Variants in KALRN observed in about 807,000 individuals in gnomAD.
KALRN encodes kalirin RhoGEF kinase, also known as kalirin.
Under a neutral mutation model 353.7 loss-of-function variants are expected in KALRN, and 70 were observed. The observed-to-expected ratio is 0.20, with a 90% confidence interval of 0.16 to 0.24. The LOEUF (loss-of-function observed/expected upper bound fraction) is 0.24. Ranked by LOEUF, KALRN falls within the 10% of genes least tolerant of loss-of-function variation. The pLI is 1.00. For synonymous variants in KALRN, 1,391 were observed against 1,434.8 expected (o/e 0.97, Z 0.69); for missense variants, 2,791 against 3,756.7 (o/e 0.74, Z 6.72).
intron 32 of KALRN, among the ~76,000 whole-genome samples, chr3:124,494,205 A>G (rs1304938768): frequency 6.6e-6 from 1 of 152,224 alleles, no homozygotes; most frequent in African/African-American, 2.4e-5. Context: ...CTCTTGTCCT[A>G]CAATGGGTGG....
chr3:124,346,729 T>C (rs1459710620), intron 9 of KALRN, among the ~76,000 whole-genome samples: 6 of 152,222 alleles, frequency 3.9e-5, no homozygotes, highest in African/African-American at 1.4e-4. Context: ...TGTGTTCTTA[T>C]GGCAGCGTGA....
intron 1 of KALRN, among the ~76,000 whole-genome samples, chr3:124,092,899 G>C (rs2061205157): frequency 6.6e-6 from 1 of 152,184 alleles, no homozygotes; most frequent in African/African-American, 2.4e-5. Flanking sequence ...TACTCGTGAA[G>C]GGAGAAACAC....
In KALRN at chr3:124,234,890, A is replaced by G. The variant is rs1196658860; in HGVS notation, c.210A>G (p.Arg70=). 3 of 1,609,770 alleles carry G rather than the reference A, an allele frequency of 1.9e-6. No individual in the cohort carries two copies. The East Asian group carries it at 6.7e-5, about 36-fold the overall frequency. ...TCCCTGCTCGCAGCAATCATGACAG[A>G]ATAAGACAGGAAGACCTGCGGAAAC... ...LTFPARSNHD[R]IRQEDLRKLV... The change falls in exon 3 of 60, where the codon AGA becomes AGG. Residue 70 remains arginine, a synonymous_variant. Transcript: ENST00000682506.
At chr3:124,531,914 G>A (rs181994291) in intron 33 of KALRN, among the ~76,000 whole-genome samples, 23 of 152,282 alleles carry the variant, frequency 1.5e-4, no homozygotes, top group Admixed American at 9.8e-4. Flanking sequence ...GGGGGTCAGT[G>A]CTAACGTCAA....
intron 1 of KALRN, among the ~76,000 whole-genome samples, chr3:124,045,333 A>C (rs1414549537): frequency 6.6e-6 from 1 of 152,200 alleles, no homozygotes; most frequent in Admixed American, 6.5e-5. Context: ...GTGGAAGGAC[A>C]AAACACCATA....
chr3:124,457,864 G>C (rs923801952), intron 23 of KALRN, among the ~76,000 whole-genome samples: 1 of 152,128 alleles, frequency 6.6e-6, no homozygotes, highest in South Asian at 2.1e-4. Flanking sequence ...TACTGCTATC[G>C]TTTGTCCTCA....
intron 11 of KALRN, among the ~76,000 whole-genome samples, chr3:124,393,640 C>G (rs909260306): frequency 1.3e-5 from 2 of 152,170 alleles, no homozygotes; most frequent in African/African-American, 4.8e-5. Context: ...TTAATACTGC[C>G]ATAAATTTAT....
intron 1 of KALRN, among the ~76,000 whole-genome samples, chr3:124,060,138 T>C (rs913927909): frequency 2.0e-5 from 3 of 152,178 alleles, no homozygotes; most frequent in Non-Finnish European, 4.4e-5. Context: ...TGACCATTTT[T>C]GAGGCTGACT....
intron 6 of KALRN, among the ~76,000 whole-genome samples, chr3:124,299,680 G>A (rs996395981): frequency 3.3e-5 from 5 of 152,200 alleles, no homozygotes; most frequent in African/African-American, 1.2e-4. Context: ...AGGATTTAAT[G>A]TGTTAACTGT....
rs115550287 is a variant in KALRN at position 124,291,225 on chromosome 3, C to A, written c.970-7566C>A. On this transcript the variant is annotated intron_variant, in intron 5 of 59. Transcript: ENST00000682506. ...CCATGGGAACCAGTATGTTTGGTAA[C>A]AACTCCGTTGGCACAGCTTCCAGAG... Among the ~76,000 whole-genome samples the A allele has an allele frequency of 2.3e-3, 354 of 152,324 alleles. 1 individual carries two copies. The highest frequency in any genetic ancestry group is 7.7e-3 in the African/African-American group (319 of 41,576).
chr3:124,636,960 C>T (rs938250721), intron 36 of KALRN: 5 of 459,284 alleles, frequency 1.1e-5, no homozygotes, highest in Non-Finnish European at 2.0e-5. Flanking sequence ...CCTCTCCCCT[C>T]CTTCATAGGC....
At chr3:124,089,766 C>T in intron 1 of KALRN, among the ~76,000 whole-genome samples, 1 of 151,828 alleles carries the variant, frequency 6.6e-6, no homozygotes, top group Middle Eastern at 3.4e-3. Flanking sequence ...GGTGCACCAG[C>T]TTCTGTGATT....
intron 23 of KALRN, among the ~76,000 whole-genome samples, chr3:124,459,165 A>G (rs1284377470): frequency 2.0e-5 from 3 of 152,154 alleles, no homozygotes; most frequent in African/African-American, 7.2e-5. Context: ...TGCTCTAGGT[A>G]TTCAGATTTC....
chr3:124,483,839 C>T (rs2062253012), intron 28 of KALRN, among the ~76,000 whole-genome samples: 1 of 152,126 alleles, frequency 6.6e-6, no homozygotes, highest in African/African-American at 2.4e-5. Flanking sequence ...ATGCAAAACA[C>T]TAAGTAATTT....
intron 1 of KALRN, among the ~76,000 whole-genome samples, chr3:124,089,736 G>A (rs151186543): frequency 8.3e-4 from 126 of 151,992 alleles, no homozygotes; most frequent in African/African-American, 2.9e-3. Context: ...GGGAGGTCAG[G>A]GCAGTGAGGG....
intron 29 of KALRN, 101 bp from the exon 30 acceptor site, chr3:124,490,593 A>T: frequency 9.5e-7 from 1 of 1,052,052 alleles, no homozygotes; most frequent in Non-Finnish European, 1.4e-6. Flanking sequence ...GTAACTGAAG[A>T]CTAACAATAA....
intron 3 of KALRN, among the ~76,000 whole-genome samples, chr3:124,256,119 C>G (rs1213296422): frequency 6.6e-6 from 1 of 152,106 alleles, no homozygotes; most frequent in Non-Finnish European, 1.5e-5. Context: ...GAGAGACACT[C>G]TGGGATTTGC....
At chr3:124,562,729 T>A (rs994032908) in intron 33 of KALRN, 114 bp from the exon 34 acceptor site, 1 of 977,932 alleles carries the variant, frequency 1.0e-6, no homozygotes, top group South Asian at 1.6e-5. Context: ...CTTCTCTTCC[T>A]CCTTACCTCT....
intron 21 of KALRN, among the ~76,000 whole-genome samples, chr3:124,447,903 C>T (rs1424077537): frequency 6.6e-6 from 1 of 152,230 alleles, no homozygotes; most frequent in Non-Finnish European, 1.5e-5. Context: ...AGATAAGAGA[C>T]TCATTTCAAT....
Sources: allele counts gnomAD v4.1 joint callset (sites outside exome capture counted in the v4.1 genomes callset), GRCh38; gene constraint gnomAD v4.1.1; transcripts MANE v1.5; gene names NCBI Gene and HGNC (gene_info 2026-07-23, HGNC 2026-07-21).